Variants in LCLAT1 observed in about 807,000 individuals in gnomAD.
The protein encoded by LCLAT1 is 1-AGP acyltransferase 8.
LCLAT1 carries 11 observed loss-of-function variants against 30.7 expected under a neutral mutation model. That is an observed-to-expected ratio of 0.36 (90% CI 0.23 to 0.59). LCLAT1 has a LOEUF of 0.59. LCLAT1 is among the 20% of genes least tolerant of loss of function. The pLI is 0.77. For missense variants in LCLAT1, 402 were observed against 458.6 expected, an observed-to-expected ratio of 0.88 and a Z score of 1.13; for synonymous variants, 155 against 151.3, an observed-to-expected ratio of 1.02 and a Z score of -0.18.
intron 1 of LCLAT1, among the ~76,000 whole-genome samples, chr2:30,452,140 G>A (rs1035192641): frequency 4.6e-5 from 7 of 152,146 alleles, no homozygotes; most frequent in African/African-American, 1.4e-4. Context: ...ATGTTGAGAT[G>A]TGTGGTGGTT....
At position 30,491,819 on chromosome 2, in the gene LCLAT1, CA is replaced by C. The variant is rs1683844752; in HGVS notation, c.-4-33767del. Among the ~76,000 whole-genome samples the C allele has an allele frequency of 2.0e-5, 3 of 152,190 alleles. No individual in the cohort carries two copies. In the South Asian group the frequency reaches 6.2e-4, roughly 32 times the overall value. On this transcript the variant is annotated intron_variant, in intron 1 of 5. Coordinates refer to ENST00000379509, the MANE Select transcript of LCLAT1 (RefSeq NM_001002257.3). Reference sequence around the variant, plus strand: ...TATGTAGATGGTGTAACTGGACTTTCAGGGGGAAGTGTACATGGCCAAATAA... The same window carrying C: ...TATGTAGATGGTGTAACTGGACTTTCGGGGGAAGTGTACATGGCCAAATAA...
intron 5 of LCLAT1, among the ~76,000 whole-genome samples, chr2:30,601,807 G>T (rs1218464067): frequency 6.6e-6 from 1 of 150,974 alleles, no homozygotes; most frequent in Non-Finnish European, 1.5e-5. Context: ...AATTTAATTG[G>T]CATGTCATAT....
intron 5 of LCLAT1, among the ~76,000 whole-genome samples, chr2:30,590,545 C>A (rs2593441): frequency 0.88 from 129,737 of 147,992 alleles, 57,295 homozygotes; most frequent in African/African-American, 0.97. Context: ...ATATGTATAT[C>A]TATTATTATA....
chr2:30,459,259 A>T (rs1332670227), intron 1 of LCLAT1, among the ~76,000 whole-genome samples: 1 of 152,160 alleles, frequency 6.6e-6, no homozygotes, highest in African/African-American at 2.4e-5. Context: ...TGGCTCAGGG[A>T]GAAGCAGAAG....
chr2:30,527,442 T>C (rs920588715), intron 2 of LCLAT1, among the ~76,000 whole-genome samples: 4 of 152,218 alleles, frequency 2.6e-5, no homozygotes, highest in Admixed American at 2.6e-4. Flanking sequence ...AACCACACAT[T>C]TTTGTTGAAT....
intron 5 of LCLAT1, among the ~76,000 whole-genome samples, chr2:30,639,302 T>G (rs959429703): frequency 6.6e-6 from 1 of 152,190 alleles, no homozygotes; most frequent in Admixed American, 6.5e-5. Flanking sequence ...GCCTCCCCAG[T>G]TACGTTGAGA....
intron 2 of LCLAT1, among the ~76,000 whole-genome samples, chr2:30,531,076 C>T (rs1265188534): frequency 2.0e-5 from 3 of 152,058 alleles, no homozygotes; most frequent in Non-Finnish European, 2.9e-5. Flanking sequence ...CCAGCCTGGC[C>T]AACGTGGTGA....
chr2:30,642,645 C>T lies in LCLAT1; in HGVS notation c.*2026C>T, dbSNP rs967336103. 2 of 151,942 alleles carry T rather than the reference C, an allele frequency of 1.3e-5. No individual in the cohort carries two copies. The highest frequency in any genetic ancestry group is 2.9e-5 in the Non-Finnish European group (2 of 67,982). The allele number at this position is 151,942 out of a possible 1,614,324, so 9.4% of individuals were successfully genotyped here. A position where few individuals can be genotyped will look rare whatever the true frequency, so the allele number is the denominator to read the frequency against. On this transcript the variant is annotated 3_prime_UTR_variant, in exon 6 of 6. Coordinates refer to ENST00000379509, the MANE Select transcript of LCLAT1 (RefSeq NM_001002257.3). ...AAGAGGCTCATTGTTCAAGGTGTAA[C>T]AACATTTAATTGCATGTCCTCTAAC...
At chr2:30,614,680 G>A (rs916729249) in intron 5 of LCLAT1, among the ~76,000 whole-genome samples, 2 of 152,176 alleles carry the variant, frequency 1.3e-5, no homozygotes, top group African/African-American at 4.8e-5. Flanking sequence ...TAGTAAATAT[G>A]TGAGTCTAGA....
At chr2:30,528,599 T>A in intron 2 of LCLAT1, among the ~76,000 whole-genome samples, 1 of 152,184 alleles carries the variant, frequency 6.6e-6, no homozygotes, top group East Asian at 1.9e-4. Context: ...TAGTACAATT[T>A]TGGGAGAAGA....
intron 1 of LCLAT1, among the ~76,000 whole-genome samples, chr2:30,500,823 G>A (rs1184561260): frequency 1.3e-5 from 2 of 152,082 alleles, no homozygotes; most frequent in Admixed American, 1.3e-4. Flanking sequence ...TTGAATAAAC[G>A]TAGAAATTGA....
chr2:30,569,210 A>G (rs1464817), intron 5 of LCLAT1, among the ~76,000 whole-genome samples: 94,929 of 151,966 alleles, frequency 0.62, 30,057 homozygotes, highest in Non-Finnish European at 0.68. Context: ...ATTCAGGGGC[A>G]TATATGAGCA....
chr2:30,449,819 C>T (rs1681460075), intron 1 of LCLAT1, among the ~76,000 whole-genome samples: 1 of 152,150 alleles, frequency 6.6e-6, no homozygotes, highest in Non-Finnish European at 1.5e-5. Flanking sequence ...TAATTTCTAT[C>T]AGGAAGCACA....
chr2:30,560,286 GTGTGT>G (rs1665141632), intron 3 of LCLAT1, among the ~76,000 whole-genome samples: 1 of 32,146 alleles, frequency 3.1e-5, no homozygotes, highest in African/African-American at 2.9e-4. Flanking sequence ...AAAGTGTGGT[GTGTGT>G]GTGTGTGTGT....
chr2:30,610,107 C>G (rs1032803915), intron 5 of LCLAT1, among the ~76,000 whole-genome samples: 5 of 152,060 alleles, frequency 3.3e-5, no homozygotes, highest in African/African-American at 9.7e-5. Context: ...TTTCTAATAA[C>G]TAGACTTTGT....
chr2:30,593,567 G>GT (rs1666790653), intron 5 of LCLAT1, among the ~76,000 whole-genome samples: 1 of 152,068 alleles, frequency 6.6e-6, no homozygotes, highest in African/African-American at 2.4e-5. Context: ...TTAGTATTGT[G>GT]TTTTTTATTT....
chr2:30,600,978 A>ATTTCT (rs139375938), intron 5 of LCLAT1, among the ~76,000 whole-genome samples: 2 of 151,852 alleles, frequency 1.3e-5, no homozygotes, highest in African/African-American at 4.8e-5. Flanking sequence ...GGTTTTGTTC[A>ATTTCT]TTTCTTTTAA....
At chr2:30,475,611 A>G (rs1558461828) in intron 1 of LCLAT1, among the ~76,000 whole-genome samples, 1 of 152,194 alleles carries the variant, frequency 6.6e-6, no homozygotes, top group Admixed American at 6.5e-5. Context: ...GCATGTTTAA[A>G]TAGAATAATT....
chr2:30,640,910 A>C lies in LCLAT1; in HGVS notation c.*291A>C, dbSNP rs879785422. The C allele has an allele frequency of 3.3e-6, 1 of 304,920 alleles. No individual in the cohort carries two copies. Among genetic ancestry groups the C allele is most frequent in the Non-Finnish European group, 6.1e-6 (1 of 163,142 alleles). The allele number at this position is 304,920 out of a possible 1,614,324, so 18.9% of individuals were successfully genotyped here. A position where few individuals can be genotyped will look rare whatever the true frequency, so the allele number is the denominator to read the frequency against. Reference sequence around the variant, plus strand: ...GCTTTTAGCGACAAGGAACACACACATTTTTCTTAAAGGCCCAATCCTAAC... The same window carrying C: ...GCTTTTAGCGACAAGGAACACACACCTTTTTCTTAAAGGCCCAATCCTAAC... On this transcript the variant is annotated 3_prime_UTR_variant, in exon 6 of 6. Transcript: ENST00000379509.
Sources: allele counts gnomAD v4.1 joint callset (sites outside exome capture counted in the v4.1 genomes callset), GRCh38; gene constraint gnomAD v4.1.1; transcripts MANE v1.5; gene names NCBI Gene and HGNC (gene_info 2026-07-23, HGNC 2026-07-21).